The following CAMTA1 variants were observed in gnomAD, a reference collection of about 807,000 sequenced individuals.
CAMTA1 encodes calmodulin-binding transcription activator 1.
In CAMTA1, 27 loss-of-function variants were observed where a neutral mutation model predicts 170.9. That is an observed-to-expected ratio of 0.16 (90% CI 0.12 to 0.22). CAMTA1 has a LOEUF of 0.22. CAMTA1 is among the 10% of genes least tolerant of loss of function. CAMTA1 has a pLI of 1.00. For synonymous variants in CAMTA1, 833 were observed against 891.5 expected (o/e 0.93, Z 1.17); for missense variants, 1,619 against 2,217.2 (o/e 0.73, Z 5.42).
chr1:7,509,295 C>T (rs978668771), intron 6 of CAMTA1, among the ~76,000 whole-genome samples: 33 of 152,328 alleles, frequency 2.2e-4, no homozygotes, highest in African/African-American at 7.7e-4. Context: ...CATCCTCACG[C>T]TAAAAATACA....
At chr1:7,599,229 T>A (rs2095422620) in intron 6 of CAMTA1, among the ~76,000 whole-genome samples, 1 of 152,222 alleles carries the variant, frequency 6.6e-6, no homozygotes, top group Admixed American at 6.5e-5. Context: ...TTGTCAGGTT[T>A]GTCAAAGGTC....
At chr1:6,795,241 C>T (rs1642204774) in intron 1 of CAMTA1, among the ~76,000 whole-genome samples, 1 of 152,136 alleles carries the variant, frequency 6.6e-6, no homozygotes, top group Admixed American at 6.5e-5. Context: ...GACTAGAGTG[C>T]AGTAGTGCAA....
chr1:7,738,434 T>C lies in CAMTA1; in HGVS notation c.4134T>C (p.Arg1378=). The part of the protein sequence containing the change: ...EVVNTELGSY[R]DSAENEECGQ... ...TGAATACAGAGCTGGGGTCCTACCG[T>C]GATAGTGCAGAAAATGAAGAATGCG... Residue 1378 remains arginine, a synonymous_variant, in exon 16 of 23, where the codon CGT becomes CGC. Coordinates refer to ENST00000303635, the MANE Select transcript of CAMTA1 (RefSeq NM_015215.4). The surrounding 1 kb of genome is among the most constrained non-coding windows in gnomAD (Gnocchi z 4.9). 6.2e-7 allele frequency: 1 copy of C among 1,613,982 alleles called. No individual in the cohort carries two copies.
chr1:6,903,367 AT>A (rs1458075233), intron 3 of CAMTA1, among the ~76,000 whole-genome samples: 1 of 152,254 alleles, frequency 6.6e-6, no homozygotes, highest in African/African-American at 2.4e-5. Context: ...GCAGATGAAG[AT>A]CTATACATTT....
intron 3 of CAMTA1, among the ~76,000 whole-genome samples, chr1:7,066,785 T>G (rs940796008): frequency 2.0e-5 from 3 of 152,214 alleles, no homozygotes; most frequent in African/African-American, 7.2e-5. Context: ...GCCTGGACTT[T>G]TCCTGAATAA....
chr1:6,801,125 C>T (rs566022088), intron 1 of CAMTA1, among the ~76,000 whole-genome samples: 1 of 152,312 alleles, frequency 6.6e-6, no homozygotes, highest in East Asian at 1.9e-4. Flanking sequence ...AGAAATTGAT[C>T]ATAGATAACT....
In CAMTA1 at chr1:6,815,691, T is replaced by C. The variant is rs1360955961; in HGVS notation, c.46-4490T>C. Among the ~76,000 whole-genome samples the C allele has an allele frequency of 9.2e-5, 14 of 152,362 alleles. No homozygotes were observed. The South Asian group carries it at 1.5e-3, about 16-fold the overall frequency. ...GAGGAATGTTAGGATTGGAAGGATC[T>C]TTTATAGATCATTTATCTAATTCCT... On this transcript the variant is annotated intron_variant, in intron 1 of 22. Transcript: ENST00000303635.
chr1:7,348,142 C>T (rs2084365571), intron 5 of CAMTA1, among the ~76,000 whole-genome samples: 1 of 152,182 alleles, frequency 6.6e-6, no homozygotes, highest in Admixed American at 6.5e-5. Context: ...GCCTACCTCT[C>T]TGTCTTCTCA....
chr1:6,902,643 T>A (rs570846495), intron 3 of CAMTA1, among the ~76,000 whole-genome samples: 3 of 152,308 alleles, frequency 2.0e-5, no homozygotes, highest in African/African-American at 7.2e-5. Flanking sequence ...TGTTTGTTTG[T>A]CAGAATGTAT....
intron 5 of CAMTA1, among the ~76,000 whole-genome samples, chr1:7,340,587 A>G (rs929742774): frequency 2.2e-5 from 2 of 88,958 alleles, no homozygotes; most frequent in African/African-American, 4.6e-5. Flanking sequence ...CCATCCTTCC[A>G]TCCTTCCTGG....
chr1:7,628,238 G>A lies in CAMTA1; in HGVS notation c.511-12162G>A, dbSNP rs570017822. 1.1e-4 allele frequency among the ~76,000 whole-genome samples: 17 copies of A among 152,300 alleles called. No homozygotes were observed. The South Asian group carries it at 2.5e-3, about 22-fold the overall frequency. On this transcript the variant is annotated intron_variant, in intron 6 of 22. Transcript: ENST00000303635. ...CACTAGATTTCATTCTCCCAGGTTC[G>A]AGTTCAGCAGGAAAGAGCACCCCTG... is the stretch of plus-strand genomic sequence containing the variant.
At chr1:7,270,289 A>ATT (rs1395986038) in intron 5 of CAMTA1, among the ~76,000 whole-genome samples, 7 of 112,736 alleles carry the variant, frequency 6.2e-5, no homozygotes, top group Admixed American at 1.9e-4. Flanking sequence ...ATATATATAT[A>ATT]TATTTTTTTT....
chr1:7,144,289 G>A lies in CAMTA1; in HGVS notation c.302+52918G>A, dbSNP rs1249642578. On this transcript the variant is annotated intron_variant, in intron 4 of 22. Coordinates refer to ENST00000303635, the MANE Select transcript of CAMTA1 (RefSeq NM_015215.4). The surrounding 1 kb of genome is among the most constrained non-coding windows in gnomAD (Gnocchi z 4.0). Reference sequence around the variant, plus strand: ...TGTGTGTATGAGTGTGTGTTTGTGTGTATGAGTGTGTGAGAGACAGCAAGA... The same window carrying A: ...TGTGTGTATGAGTGTGTGTTTGTGTATATGAGTGTGTGAGAGACAGCAAGA... Among the ~76,000 whole-genome samples the A allele has an allele frequency of 6.6e-6, 1 of 152,020 alleles. No individual in the cohort carries two copies. Among genetic ancestry groups the A allele is most frequent in the Non-Finnish European group, 1.5e-5 (1 of 67,996 alleles).
chr1:7,720,879 T>A (rs993986059), intron 11 of CAMTA1, among the ~76,000 whole-genome samples: 3 of 152,144 alleles, frequency 2.0e-5, no homozygotes, highest in East Asian at 3.9e-4. Context: ...CCAAGTCAGC[T>A]CTGCTGGCCT....
chr1:7,457,911 A>G (rs1378209054), intron 5 of CAMTA1, among the ~76,000 whole-genome samples: 1 of 151,998 alleles, frequency 6.6e-6, no homozygotes, highest in Non-Finnish European at 1.5e-5. Context: ...GCTCCGGCCG[A>G]CCCAGATACC....
Position 7,221,906 on chromosome 1 carries a change from T to TACACACACACACACACACACACACAC in CAMTA1, c.303-27564_303-27563insCACACACACACACACACACACACACA, listed in dbSNP as rs34399218. On this transcript the variant is annotated intron_variant, in intron 4 of 22. Transcript: ENST00000303635. The stretch of plus-strand genomic sequence containing the variant: ...GAGGGCATGTGCACAAGCTGGTGCA[T>TACACACACACACACACACACACACAC]ACACACACACACACACACACATACA... 8.7e-4 allele frequency among the ~76,000 whole-genome samples: 128 copies of TACACACACACACACACACACACACAC among 147,638 alleles called. 1 individual carries two copies. The highest frequency in any genetic ancestry group is 3.1e-3 in the African/African-American group (122 of 39,220).
chr1:7,103,246 A>G (rs1006563754), intron 4 of CAMTA1, among the ~76,000 whole-genome samples: 4 of 152,124 alleles, frequency 2.6e-5, no homozygotes, highest in Admixed American at 1.3e-4. Context: ...TGAAAGTAGA[A>G]AGAACCCGGG....
At chr1:7,254,691 A>G (rs1225647405) in intron 5 of CAMTA1, among the ~76,000 whole-genome samples, 1 of 152,228 alleles carries the variant, frequency 6.6e-6, no homozygotes, top group Non-Finnish European at 1.5e-5. Flanking sequence ...CCTCTTTTAA[A>G]ATAGGAATGA....
At chr1:7,605,924 G>A (rs1326074024) in intron 6 of CAMTA1, among the ~76,000 whole-genome samples, 1 of 152,206 alleles carries the variant, frequency 6.6e-6, no homozygotes, top group Admixed American at 6.5e-5. Context: ...ACACATCACA[G>A]AGAGGGACAA....
Sources: gnomAD v4.1 joint callset for allele counts (sites outside exome capture counted in the v4.1 genomes callset) on GRCh38, gnomAD v4.1.1 for gene constraint, Gnocchi (gnomAD v3.1) non-coding constraint, MANE v1.5 for transcripts, NCBI Gene and HGNC (gene_info 2026-07-23, HGNC 2026-07-21) for gene names.